The following DNAH6 variants were observed in gnomAD, a reference collection of about 807,000 sequenced individuals.
The protein encoded by DNAH6 is dynein axonemal heavy chain 6.
DNAH6 carries 340 observed loss-of-function variants against 491.4 expected under a neutral mutation model. The ratio of observed to expected loss-of-function variants is 0.69; its 90% CI spans 0.63 to 0.76. The LOEUF is 0.76. Ranked by LOEUF, DNAH6 falls within the 30% of genes least tolerant of loss-of-function variation. DNAH6 has a pLI of 0.00. For missense variants in DNAH6, 4,443 were observed against 4,972.2 expected (o/e 0.89, Z 3.20); for synonymous variants, 1,603 against 1,686.1 (o/e 0.95, Z 1.21).
At chr2:84,687,557 A>G (rs1435339526) in intron 44 of DNAH6, among the ~76,000 whole-genome samples, 3 of 152,164 alleles carry the variant, frequency 2.0e-5, no homozygotes, top group Non-Finnish European at 1.5e-5. Context: ...TATTAAAAGT[A>G]TGGTCCAAAG....
chr2:84,812,843 C>T (rs890282670), intron 73 of DNAH6, among the ~76,000 whole-genome samples: 5 of 152,156 alleles, frequency 3.3e-5, no homozygotes, highest in Non-Finnish European at 7.3e-5. Flanking sequence ...CTGTCTCCCT[C>T]TCACATACCC....
chr2:84,535,824 G>A (rs575054963), intron 4 of DNAH6, among the ~76,000 whole-genome samples: 2 of 151,946 alleles, frequency 1.3e-5, no homozygotes, highest in South Asian at 2.1e-4. Context: ...GTAACTGCTA[G>A]ACAACAGCAC....
chr2:84,685,882 A>C (rs189928657), intron 43 of DNAH6, among the ~76,000 whole-genome samples: 1 of 152,178 alleles, frequency 6.6e-6, no homozygotes, highest in African/African-American at 2.4e-5. Flanking sequence ...GAGAAAGAGC[A>C]TTTTGTCTGA....
the DNAH6 span, among the ~76,000 whole-genome samples, chr2:84,501,311 T>C: frequency 2.2e-4 from 33 of 152,190 alleles, no homozygotes; most frequent in Non-Finnish European, 4.1e-4. Context: ...CTTCTGTTGA[T>C]ATGGTGTATC....
At chr2:84,536,193 G>A (rs550811026) in intron 4 of DNAH6, among the ~76,000 whole-genome samples, 86 of 152,106 alleles carry the variant, frequency 5.7e-4, no homozygotes, top group African/African-American at 2.0e-3. Context: ...AAGTGCATTG[G>A]CAATCCAAAG....
chr2:84,529,279 T>A (rs1676925840), intron 4 of DNAH6, 113 bp downstream of exon 4: 2 of 872,470 alleles, frequency 2.3e-6, no homozygotes, highest in South Asian at 4.2e-5. Context: ...ATTTTGGTTA[T>A]CATTCAATGA....
chr2:84,634,580 T>G lies in DNAH6; in HGVS notation c.4592T>G (p.Ile1531Arg). 1 of 1,550,710 alleles carries G rather than the reference T, an allele frequency of 6.4e-7. No individual in the cohort carries two copies. Among genetic ancestry groups the G allele is most frequent in the Non-Finnish European group, 8.7e-7 (1 of 1,146,534 alleles). Residue 1531 changes from isoleucine (I) to arginine (R), a missense_variant, in exon 30 of 77, where the codon ATA (isoleucine) becomes AGA (arginine). Coordinates refer to ENST00000389394, the MANE Select transcript of DNAH6 (RefSeq NM_001370.2). ...CCFDEFNRID[I>R]EVLSVIAQQL... ...TTTGATGAATTTAATCGAATTGACA[T>G]AGAAGTTCTGTCCGTCATCGCGCAG... is the stretch of plus-strand genomic sequence containing the variant.
At chr2:84,465,841 A>G in the DNAH6 span, among the ~76,000 whole-genome samples, 5 of 152,364 alleles carry the variant, frequency 3.3e-5, no homozygotes, top group East Asian at 9.6e-4. Context: ...AATTGATAAG[A>G]CTAGAATCTA....
intron 31 of DNAH6, among the ~76,000 whole-genome samples, chr2:84,638,212 C>T (rs551958818): frequency 6.6e-6 from 1 of 152,246 alleles, no homozygotes; most frequent in African/African-American, 2.4e-5. Flanking sequence ...CAGGGTCTCA[C>T]TATGCTACCC....
At chr2:84,608,358 A>G (rs938836326) in intron 21 of DNAH6, among the ~76,000 whole-genome samples, 3 of 137,492 alleles carry the variant, frequency 2.2e-5, no homozygotes, top group Non-Finnish European at 4.8e-5. Context: ...GATCCATCAG[A>G]GGAATTACTA....
intron 64 of DNAH6, among the ~76,000 whole-genome samples, chr2:84,775,472 AT>A (rs1676033151): frequency 1.3e-5 from 2 of 151,926 alleles, no homozygotes; most frequent in African/African-American, 4.8e-5. Context: ...TGACGTTTTC[AT>A]TTTTGTTGTG....
intron 63 of DNAH6, among the ~76,000 whole-genome samples, chr2:84,746,329 A>T (rs1672977262): frequency 6.6e-6 from 1 of 152,170 alleles, no homozygotes; most frequent in African/African-American, 2.4e-5. Flanking sequence ...AACTTTTAAA[A>T]GGCAGAGAGA....
At chr2:84,604,932 A>G (rs1017103598) in intron 19 of DNAH6, among the ~76,000 whole-genome samples, 1 of 152,204 alleles carries the variant, frequency 6.6e-6, no homozygotes, top group African/African-American at 2.4e-5. Flanking sequence ...CCAAAAATAT[A>G]TACACACCTA....
chr2:84,754,065 A>T (rs1673751108), intron 63 of DNAH6, among the ~76,000 whole-genome samples: 1 of 151,960 alleles, frequency 6.6e-6, no homozygotes, highest in Non-Finnish European at 1.5e-5. Context: ...CTCAGGATCC[A>T]CCTGCCTTGG....
At chr2:84,531,078 A>T (rs945022983) in intron 4 of DNAH6, among the ~76,000 whole-genome samples, 1 of 152,106 alleles carries the variant, frequency 6.6e-6, no homozygotes, top group African/African-American at 2.4e-5. Context: ...AGTCTGGAGA[A>T]GTGGGAAAAC....
chr2:84,760,460 C>A (rs948588494), intron 63 of DNAH6, among the ~76,000 whole-genome samples: 3 of 151,926 alleles, frequency 2.0e-5, no homozygotes, highest in African/African-American at 4.8e-5. Context: ...ACAACAATAA[C>A]AAAGAAAAGA....
the DNAH6 span, among the ~76,000 whole-genome samples, chr2:84,511,062 C>T: frequency 6.6e-6 from 1 of 152,164 alleles, no homozygotes; most frequent in African/African-American, 2.4e-5. Flanking sequence ...TGTCAGATCG[C>T]CAGCTGTGTG....
At chr2:84,481,250 C>G in the DNAH6 span, among the ~76,000 whole-genome samples, 8 of 152,100 alleles carry the variant, frequency 5.3e-5, no homozygotes, top group African/African-American at 1.9e-4. Context: ...CCCCTGTGTC[C>G]CAGATTATTT....
chr2:84,584,085 CTT>C lies in DNAH6; in HGVS notation c.2318_2319del (p.Phe773CysfsTer18). ...QYQVPTPPED[F>X]AVFATMKPSI... is the part of the protein sequence containing the mutation. ...ATCAGGTGCCCACACCTCCTGAAGACTTTGCTGTTTTTGCAACTATGAAGCCA... is the reference window on the plus strand; with the variant it reads ...ATCAGGTGCCCACACCTCCTGAAGACTGCTGTTTTTGCAACTATGAAGCCA... On this transcript the variant is annotated frameshift_variant, in exon 15 of 77. Coordinates refer to ENST00000389394, the MANE Select transcript of DNAH6 (RefSeq NM_001370.2). LOFTEE classifies it high-confidence loss of function. The C allele has an allele frequency of 6.2e-7, 1 of 1,614,160 alleles. No homozygotes were observed. The highest frequency in any genetic ancestry group is 1.1e-5 in the South Asian group (1 of 91,086).
Sources: allele counts gnomAD v4.1 joint callset (sites outside exome capture counted in the v4.1 genomes callset), GRCh38; gene constraint gnomAD v4.1.1; transcripts MANE v1.5; gene names NCBI Gene and HGNC (gene_info 2026-07-23, HGNC 2026-07-21).